Variants in FAAH2 observed in about 807,000 individuals in gnomAD.
The protein encoded by FAAH2 is fatty acid amide hydrolase 2.
In FAAH2, 60 loss-of-function variants were observed where a neutral mutation model predicts 36.9. The observed-to-expected ratio is 1.63, with a 90% confidence interval of 1.32 to 2.02. FAAH2 has a LOEUF of 2.02. Ranked by LOEUF, FAAH2 falls within the 30% of genes most tolerant of loss-of-function variation. The pLI is 0.00. For synonymous variants in FAAH2, 214 were observed against 143.8 expected (o/e 1.49, Z -3.49); for missense variants, 689 against 397.5 (o/e 1.73, Z -6.23).
intron 6 of FAAH2, among the ~76,000 whole-genome samples, chrX:57,380,292 A>G (rs1200514834): frequency 1.8e-5 from 2 of 111,545 alleles, no homozygotes; most frequent in Non-Finnish European, 3.8e-5. Context: ...ACCATTTTCC[A>G]TACACAGATG....
intron 7 of FAAH2, among the ~76,000 whole-genome samples, chrX:57,382,022 C>T (rs906796910): frequency 1.8e-5 from 2 of 111,537 alleles, no homozygotes; most frequent in Admixed American, 9.5e-5. Flanking sequence ...TTAAGAAACT[C>T]GCTCAAAACC....
intron 7 of FAAH2, among the ~76,000 whole-genome samples, chrX:57,414,795 C>G (rs1397202557): frequency 1.9e-5 from 2 of 107,168 alleles, no homozygotes; most frequent in African/African-American, 6.8e-5. Context: ...GAAATGGTAT[C>G]AACTCCTCCT....
chrX:57,342,272 A>G (rs1394058582), intron 5 of FAAH2, among the ~76,000 whole-genome samples: 1 of 111,560 alleles, frequency 9.0e-6, no homozygotes. Context: ...GCAGGAACAG[A>G]AAACCAAATG....
chrX:57,259,197 C>A, the FAAH2 span, among the ~76,000 whole-genome samples: 1 of 111,514 alleles, frequency 9.0e-6, no homozygotes, highest in South Asian at 3.7e-4. Context: ...GGATAGAGGT[C>A]TCCCAAATAA....
chrX:57,196,791 G>A, the FAAH2 span, among the ~76,000 whole-genome samples: 1 of 111,320 alleles, frequency 9.0e-6, no homozygotes, highest in African/African-American at 3.3e-5. Context: ...TGATGCTGTT[G>A]CCTGACAGCT....
intron 7 of FAAH2, among the ~76,000 whole-genome samples, chrX:57,398,200 C>T (rs771512303): frequency 8.9e-6 from 1 of 112,190 alleles, no homozygotes; most frequent in South Asian, 3.7e-4. Context: ...CACATGCACA[C>T]GTATGTTTAT....
At chrX:57,348,460 T>C (rs2053890713) in intron 5 of FAAH2, among the ~76,000 whole-genome samples, 1 of 110,935 alleles carries the variant, frequency 9.0e-6, no homozygotes, top group South Asian at 3.8e-4. Context: ...CAATTGCCAT[T>C]CAAGAAAGAC....
At chrX:57,393,229 C>T (rs1438555761) in intron 7 of FAAH2, 1 of 1,198,947 alleles carries the variant, frequency 8.3e-7, no homozygotes. Context: ...CAGTTTGTTT[C>T]TTCAAGTTAC....
the FAAH2 span, among the ~76,000 whole-genome samples, chrX:57,154,932 T>C: frequency 9.0e-6 from 1 of 110,739 alleles, no homozygotes; most frequent in African/African-American, 3.3e-5. Context: ...ACTGTAGTGA[T>C]CGTTATTTCT....
chrX:57,151,377 C>T, the FAAH2 span, among the ~76,000 whole-genome samples: 9 of 111,890 alleles, frequency 8.0e-5, no homozygotes, highest in Admixed American at 6.6e-4. Context: ...GTTCCATTCT[C>T]CCCGTCACTT....
the FAAH2 span, among the ~76,000 whole-genome samples, chrX:57,207,784 T>C: frequency 8.9e-6 from 1 of 112,577 alleles, no homozygotes; most frequent in Admixed American, 9.4e-5. Flanking sequence ...CACAGACCCA[T>C]GTTGGAACTT....
chrX:57,428,272 T>C (rs763676143), intron 7 of FAAH2, among the ~76,000 whole-genome samples: 28 of 112,191 alleles, frequency 2.5e-4, no homozygotes, highest in African/African-American at 9.0e-4. Context: ...AAAAATCTTA[T>C]GCTCTTGAAT....
chrX:57,167,475 A>G, the FAAH2 span, among the ~76,000 whole-genome samples: 5 of 112,063 alleles, frequency 4.5e-5, no homozygotes, highest in Non-Finnish European at 9.4e-5. Flanking sequence ...TCACAGTTGT[A>G]ACTACTGAGA....
At chrX:57,219,008 C>T in the FAAH2 span, among the ~76,000 whole-genome samples, 1 of 111,918 alleles carries the variant, frequency 8.9e-6, no homozygotes, top group South Asian at 3.8e-4. Flanking sequence ...AGGCGCAAGG[C>T]CACTTGCGTC....
At chrX:57,452,210 A>G (rs748688908) in intron 10 of FAAH2, 27 of 748,978 alleles carry the variant, frequency 3.6e-5, no homozygotes, top group Non-Finnish European at 4.2e-5. Context: ...TAAAGATCTC[A>G]TCTGAGAAAC....
chrX:57,299,310 C>T lies in FAAH2; in HGVS notation c.275+6730C>T, dbSNP rs149824466. 9.9e-3 allele frequency among the ~76,000 whole-genome samples: 1,108 copies of T among 111,605 alleles called. 44 individuals carry two copies. Among genetic ancestry groups the T allele is most frequent in the Admixed American group, 0.083 (873 of 10,527 alleles). ...GCAAGGCTGGTTCAACATCGGAAAA[C>T]GAATAAAGTTAATTCAGCATATAAA... On this transcript the variant is annotated intron_variant, in intron 2 of 10. Transcript: ENST00000374900.
the FAAH2 span, among the ~76,000 whole-genome samples, chrX:57,189,467 C>G: frequency 9.1e-6 from 1 of 109,493 alleles, no homozygotes; most frequent in Non-Finnish European, 1.9e-5. Context: ...AAGAGGCATT[C>G]TGGTTCCTGG....
At chrX:57,128,280 T>C in the FAAH2 span, among the ~76,000 whole-genome samples, 1 of 111,904 alleles carries the variant, frequency 8.9e-6, no homozygotes, top group Non-Finnish European at 1.9e-5. Context: ...AGAATATATA[T>C]GTGCTTTGTC....
the FAAH2 span, among the ~76,000 whole-genome samples, chrX:57,175,343 A>G: frequency 9.0e-6 from 1 of 111,410 alleles, no homozygotes; most frequent in Non-Finnish European, 1.9e-5. Context: ...GTCTTTTACT[A>G]TTGTTGTTCT....
Sources: allele counts gnomAD v4.1 joint callset (sites outside exome capture counted in the v4.1 genomes callset), GRCh38; gene constraint gnomAD v4.1.1; transcripts MANE v1.5; gene names NCBI Gene and HGNC (gene_info 2026-07-23, HGNC 2026-07-21).